TMCO6: variants seen among roughly 807,000 people sequenced by gnomAD.
TMCO6 encodes transmembrane and coiled-coil domain-containing protein 6.
A neutral mutation model predicts 61.8 loss-of-function variants in TMCO6; 47 were observed. The observed-to-expected ratio is 0.76, with a 90% CI of 0.60 to 0.97. The LOEUF is 0.97. Ranked by LOEUF, TMCO6 falls within the 50% of genes least tolerant of loss-of-function variation. The pLI, the probability that TMCO6 is intolerant of heterozygous loss-of-function variation, is 0.00. For missense variants in TMCO6, 557 were observed against 601.6 expected (o/e 0.93, Z 0.78); for synonymous variants, 261 against 254.2 (o/e 1.03, Z -0.25).
At chr5:140,616,404 T>G in the TMCO6 span, among the ~76,000 whole-genome samples, 417 of 151,372 alleles carry the variant, frequency 2.8e-3, 3 homozygotes, top group African/African-American at 9.7e-3. Flanking sequence ...ACAAAAAAAA[T>G]TTTAAAAATT....
At chr5:140,608,813 G>A in the TMCO6 span, among the ~76,000 whole-genome samples, 1 of 152,136 alleles carries the variant, frequency 6.6e-6, no homozygotes, top group African/African-American at 2.4e-5. Context: ...ATAGACATGT[G>A]GGTATATTTC....
chr5:140,600,625 C>T, the TMCO6 span, among the ~76,000 whole-genome samples: 8 of 151,952 alleles, frequency 5.3e-5, no homozygotes, highest in Admixed American at 3.3e-4. Flanking sequence ...CCACTGTGCC[C>T]GGATAATTTT....
chr5:140,644,957 T>C, intron 11 of TMCO6, 28 bp from the exon 12 acceptor site: 1 of 1,604,166 alleles, frequency 6.2e-7, no homozygotes, highest in Non-Finnish European at 8.5e-7. Context: ...AGAGACCAGG[T>C]GTGTTGAATT....
the TMCO6 span, among the ~76,000 whole-genome samples, chr5:140,602,052 A>T: frequency 6.6e-6 from 1 of 152,090 alleles, no homozygotes; most frequent in Non-Finnish European, 1.5e-5. Context: ...GGACTGCCAA[A>T]CCCCTCATCA....
At chr5:140,625,435 C>T in the TMCO6 span, among the ~76,000 whole-genome samples, 2 of 152,146 alleles carry the variant, frequency 1.3e-5, no homozygotes, top group African/African-American at 4.8e-5. Context: ...TTTCCTCTTC[C>T]TGGACTGCTC....
chr5:140,646,687 G>A (rs1177030591), downstream of TMCO6, among the ~76,000 whole-genome samples: 1 of 152,170 alleles, frequency 6.6e-6, no homozygotes, highest in Non-Finnish European at 1.5e-5. Flanking sequence ...AGAGGGGTAA[G>A]TGCATTCTAG....
At chr5:140,629,860 G>C in the TMCO6 span, among the ~76,000 whole-genome samples, 24 of 151,310 alleles carry the variant, frequency 1.6e-4, no homozygotes, top group Non-Finnish European at 1.0e-4. Flanking sequence ...TTGAACCTGG[G>C]AGGTGGAGGT....
chr5:140,612,631 T>C, the TMCO6 span, among the ~76,000 whole-genome samples: 1 of 151,792 alleles, frequency 6.6e-6, no homozygotes, highest in African/African-American at 2.4e-5. Flanking sequence ...GAGCCACCGC[T>C]CCAGGCCAAC....
chr5:140,601,056 T>A, the TMCO6 span, among the ~76,000 whole-genome samples: 1 of 151,890 alleles, frequency 6.6e-6, no homozygotes, highest in African/African-American at 2.4e-5. Context: ...AAAACATCCG[T>A]GTATAGGAGC....
chr5:140,606,822 G>A, the TMCO6 span, among the ~76,000 whole-genome samples: 3 of 152,046 alleles, frequency 2.0e-5, no homozygotes, highest in Non-Finnish European at 2.9e-5. Context: ...CCAGCTACTC[G>A]GGAGGCTGAA....
chr5:140,601,756 C>T, the TMCO6 span, among the ~76,000 whole-genome samples: 2 of 152,168 alleles, frequency 1.3e-5, no homozygotes, highest in Non-Finnish European at 2.9e-5. Context: ...CAGGCGTCAC[C>T]ATACCTGTTG....
rs200356679 is a variant in TMCO6 at position 140,644,176 on chromosome 5, T to C, written c.1182T>C (p.Ser394=). 96 of 1,614,146 alleles carry C rather than the reference T, an allele frequency of 5.9e-5. 1 individual carries two copies. The Middle Eastern group carries it at 1.5e-3, about 25-fold the overall frequency. ...IEPLLQLLPV[S]NVVSVMVLTV... is the part of the protein sequence containing the mutation. ...CTCTCTTACAGCTGTTGCCAGTATC[T>C]AACGTGGTGAGCGTAATGGTATGTA... Residue 394 remains serine (S), a synonymous_variant, in exon 10 of 12, where the codon TCT becomes TCC. Coordinates refer to ENST00000394671, the MANE Select transcript of TMCO6 (RefSeq NM_018502.5).
Position 140,642,970 on chromosome 5 carries a change from G to A in TMCO6, c.735G>A (p.Leu245=), listed in dbSNP as rs375047033. Residue 245 remains leucine (L), a synonymous_variant, in exon 7 of 12, where the codon TTG becomes TTA. Transcript: ENST00000394671. Reference sequence around the variant, plus strand: ...TCCCTCAGCACATGCTACAAATGTTGCAACCTGGCCCAAAGCTCAACCCTG... The same window carrying A: ...TCCCTCAGCACATGCTACAAATGTTACAACCTGGCCCAAAGCTCAACCCTG... ...STLPQHMLQM[L]QPGPKLNPGV... 6 of 1,614,038 alleles carry A rather than the reference G, an allele frequency of 3.7e-6. No homozygotes were observed. The highest frequency in any genetic ancestry group is 3.3e-4 in the Middle Eastern group (2 of 6,078).
downstream of TMCO6, chr5:140,647,129 C>G: frequency 9.6e-7 from 1 of 1,041,774 alleles, no homozygotes; most frequent in Non-Finnish European, 1.4e-6. Context: ...GAAACAAGAT[C>G]AACAGCAAGG....
At chr5:140,643,168 G>A in intron 7 of TMCO6, 127 bp downstream of exon 7, 6 of 1,333,558 alleles carry the variant, frequency 4.5e-6, no homozygotes. Flanking sequence ...TTCTCTTTTT[G>A]GAGCCCAGGA....
At chr5:140,632,082 A>C in the TMCO6 span, 2 of 1,614,012 alleles carry the variant, frequency 1.2e-6, no homozygotes, top group Non-Finnish European at 1.7e-6. The surrounding 1 kb of genome is among the most constrained non-coding windows in gnomAD (Gnocchi z 6.2). Context: ...GAGATCGAGC[A>C]CTCTGAGCTT....
the TMCO6 span, among the ~76,000 whole-genome samples, chr5:140,615,599 T>G: frequency 6.6e-6 from 1 of 152,152 alleles, no homozygotes; most frequent in East Asian, 1.9e-4. Context: ...GACAGACACA[T>G]AGACCAAGGA....
chr5:140,644,299 G>A (rs1757250773), intron 10 of TMCO6, 105 bp downstream of exon 10: 2 of 1,297,852 alleles, frequency 1.5e-6, no homozygotes, highest in South Asian at 2.4e-5. Flanking sequence ...GCAGGTGGTG[G>A]TGTGTGGCCT....
chr5:140,608,970 T>C, the TMCO6 span: 1 of 152,362 alleles, frequency 6.6e-6, no homozygotes, highest in Non-Finnish European at 1.5e-5. Context: ...GGTTGTTTTA[T>C]CTATTCTGCA....
Sources: gnomAD v4.1 joint callset for allele counts (sites outside exome capture counted in the v4.1 genomes callset) on GRCh38, gnomAD v4.1.1 for gene constraint, Gnocchi (gnomAD v3.1) non-coding constraint, MANE v1.5 for transcripts, NCBI Gene and HGNC (gene_info 2026-07-23, HGNC 2026-07-21) for gene names.